The following PKIB variants were observed in gnomAD, a reference collection of about 807,000 sequenced individuals.
The protein encoded by PKIB is cAMP-dependent protein kinase inhibitor beta, also known as PKI-beta.
Under a neutral mutation model 4.5 loss-of-function variants are expected in PKIB, and 2 were observed. The ratio of observed to expected loss-of-function variants is 0.44; its 90% CI spans 0.18 to 1.39. The LOEUF is 1.39. Among genes scored for constraint, PKIB ranks in the 40% most tolerant of loss-of-function variants. PKIB has a pLI of 0.27. For synonymous variants in PKIB, 38 were observed against 36.0 expected (o/e 1.06, Z -0.20); for missense variants, 94 against 92.6 (o/e 1.02, Z -0.06).
At chr6:122,692,733 GTTAAA>G (rs1778408040) in intron 3 of PKIB, among the ~76,000 whole-genome samples, 1 of 152,186 alleles carries the variant, frequency 6.6e-6, no homozygotes, top group Admixed American at 6.5e-5. Flanking sequence ...GTAGATAGTT[GTTAAA>G]TTAAATTGTT....
chr6:122,569,681 GTC>G (rs1268469660), intron 2 of PKIB, among the ~76,000 whole-genome samples: 2 of 152,324 alleles, frequency 1.3e-5, no homozygotes, highest in East Asian at 3.9e-4. Flanking sequence ...CTCAGCACCA[GTC>G]TGGAGTCTGG....
chr6:122,561,988 G>GTTTGTGTTTTTTTT lies in PKIB; in HGVS notation c.-247-23930_-247-23929insGTGTTTTTTTTTTT, dbSNP rs1554220234. On this transcript the variant is annotated intron_variant, in intron 2 of 6. Transcript: ENST00000392491. ...TTGCCTGCATAGTTTTTTTTTGTTT[G>GTTTGTGTTTTTTTT]TTTTTGTTTTTTTTTGTTTTTTTTT... is the stretch of plus-strand genomic sequence containing the variant. Among the ~76,000 whole-genome samples the GTTTGTGTTTTTTTT allele has an allele frequency of 1.4e-3, 34 of 24,268 alleles. 1 individual carries two copies. The highest frequency in any genetic ancestry group is 2.3e-3 in the Non-Finnish European group (28 of 12,028). 15.9% of individuals were successfully genotyped at this position (24,268 alleles called of 152,430 possible). A position where few individuals can be genotyped will look rare whatever the true frequency, so the allele number is the denominator to read the frequency against.
At chr6:122,650,917 G>A (rs896203755) in intron 2 of PKIB, among the ~76,000 whole-genome samples, 3 of 152,140 alleles carry the variant, frequency 2.0e-5, no homozygotes, top group African/African-American at 4.8e-5. Flanking sequence ...AATGTAGACC[G>A]CCTTGTAGTC....
At chr6:122,563,278 T>C (rs1773085520) in intron 2 of PKIB, among the ~76,000 whole-genome samples, 1 of 152,172 alleles carries the variant, frequency 6.6e-6, no homozygotes, top group Non-Finnish European at 1.5e-5. Context: ...TCTGGGCTAG[T>C]ACTGGGGGTT....
intron 2 of PKIB, among the ~76,000 whole-genome samples, chr6:122,542,340 G>C (rs1777631366): frequency 6.6e-6 from 1 of 151,948 alleles, no homozygotes; most frequent in Non-Finnish European, 1.5e-5. Context: ...TTTGATGATG[G>C]TGACACACAG....
chr6:122,625,009 G>A (rs1775378528), intron 1 of PKIB, among the ~76,000 whole-genome samples: 1 of 152,122 alleles, frequency 6.6e-6, no homozygotes, highest in Non-Finnish European at 1.5e-5. Flanking sequence ...GGAATTAATG[G>A]GTTAAAGTTT....
chr6:122,585,676 G>A (rs1419011684), intron 2 of PKIB: 4 of 152,004 alleles, frequency 2.6e-5, no homozygotes, highest in African/African-American at 7.2e-5. Flanking sequence ...GCAAATTATT[G>A]AAAAAACAAT....
At chr6:122,666,981 A>G (rs1777244940) in intron 2 of PKIB, among the ~76,000 whole-genome samples, 2 of 152,082 alleles carry the variant, frequency 1.3e-5, no homozygotes, top group East Asian at 3.9e-4. Flanking sequence ...GAAAGGATTC[A>G]GTGAGAGAAT....
intron 3 of PKIB, among the ~76,000 whole-genome samples, chr6:122,596,687 C>T (rs1233941001): frequency 6.6e-6 from 1 of 152,164 alleles, no homozygotes; most frequent in Admixed American, 6.5e-5. Flanking sequence ...CAGGGCCTTG[C>T]TCCAAAATCC....
intron 3 of PKIB, among the ~76,000 whole-genome samples, chr6:122,685,979 G>A (rs1299500839): frequency 2.0e-5 from 3 of 152,122 alleles, no homozygotes; most frequent in Non-Finnish European, 2.9e-5. Context: ...TGTTGCAAAC[G>A]ACAGTATCTC....
At chr6:122,559,146 C>G (rs546655908) in intron 2 of PKIB, among the ~76,000 whole-genome samples, 7 of 151,946 alleles carry the variant, frequency 4.6e-5, no homozygotes, top group Admixed American at 3.9e-4. Flanking sequence ...TATCCAGAAT[C>G]AACAACGAAC....
intron 2 of PKIB, among the ~76,000 whole-genome samples, chr6:122,542,058 G>A (rs143534666): frequency 0.083 from 12,608 of 151,706 alleles, 679 homozygotes; most frequent in Middle Eastern, 0.19. Context: ...ACTTCTCTGC[G>A]TTGGTTATTC....
At chr6:122,491,773 A>G (rs1775939512) in intron 2 of PKIB, among the ~76,000 whole-genome samples, 1 of 152,236 alleles carries the variant, frequency 6.6e-6, no homozygotes, top group South Asian at 2.1e-4. Context: ...TATGACTCAA[A>G]AATATCAAGA....
At chr6:122,703,779 C>T (rs1223882457) in intron 3 of PKIB, among the ~76,000 whole-genome samples, 2 of 150,246 alleles carry the variant, frequency 1.3e-5, no homozygotes, top group Non-Finnish European at 3.0e-5. Flanking sequence ...TACATACACA[C>T]ACATATATAT....
chr6:122,490,290 A>G (rs1383161780), intron 2 of PKIB, among the ~76,000 whole-genome samples: 1 of 152,200 alleles, frequency 6.6e-6, no homozygotes, highest in Non-Finnish European at 1.5e-5. Context: ...TGGCTTCTTC[A>G]GGAAGGAGGC....
chr6:122,481,776 A>T (rs1241011363), intron 2 of PKIB: 2 of 152,152 alleles, frequency 1.3e-5, no homozygotes, highest in East Asian at 3.8e-4. Flanking sequence ...AATTTTGTAC[A>T]GTGTTTGCAA....
Position 122,678,241 on chromosome 6 carries a change from T to C in PKIB, c.-9+3097T>C, listed in dbSNP as rs983356676. On this transcript the variant is annotated intron_variant, in intron 3 of 4. Coordinates refer to ENST00000368452, the MANE Select transcript of PKIB (RefSeq NM_181795.3). ...TCCAGAGCAGGCATAGAAAGTGCTC[T>C]TAACTGTCCAGCTCTATGAAAGTGA... Among the ~76,000 whole-genome samples, 10 of 152,306 alleles carry C rather than the reference T, an allele frequency of 6.6e-5. No individual in the cohort carries two copies. The East Asian group carries it at 1.9e-3, about 29-fold the overall frequency.
chr6:122,665,707 A>C (rs191744545), intron 2 of PKIB, among the ~76,000 whole-genome samples: 23 of 152,340 alleles, frequency 1.5e-4, no homozygotes, highest in African/African-American at 5.1e-4. Context: ...AATGAAAAAA[A>C]AACTGAAAAT....
upstream of PKIB, among the ~76,000 whole-genome samples, chr6:122,609,621 A>G (rs528554875): frequency 4.6e-5 from 7 of 152,368 alleles, no homozygotes; most frequent in South Asian, 1.2e-3. Flanking sequence ...AGTACTAATT[A>G]AGAGTTTCAG....
Sources: allele counts gnomAD v4.1 joint callset (sites outside exome capture counted in the v4.1 genomes callset), GRCh38; gene constraint gnomAD v4.1.1; transcripts MANE v1.5; gene names NCBI Gene and HGNC (gene_info 2026-07-23, HGNC 2026-07-21).